TSPAN5: variants seen among roughly 807,000 people sequenced by gnomAD.
TSPAN5 encodes the protein tetraspanin 5.
TSPAN5 carries 10 observed loss-of-function variants against 37.1 expected under a neutral mutation model. That is an observed-to-expected ratio of 0.27 (90% CI 0.17 to 0.46). The LOEUF (loss-of-function observed/expected upper bound fraction) is 0.46. TSPAN5 is among the 20% of genes least tolerant of loss of function. The pLI is 1.00. For synonymous variants in TSPAN5, 110 were observed against 118.9 expected (o/e 0.93, Z 0.48); for missense variants, 195 against 326.6 (o/e 0.60, Z 3.11).
At chr4:98,658,058 G>T in intron 1 of TSPAN5, 88 bp downstream of exon 1, 1 of 1,242,078 alleles carries the variant, frequency 8.1e-7, no homozygotes, top group African/African-American at 1.5e-5. Flanking sequence ...GCGGGGCTGC[G>T]AAAAGTAAAG....
At chr4:98,637,274 T>G (rs1218155315) in intron 1 of TSPAN5, among the ~76,000 whole-genome samples, 1 of 152,170 alleles carries the variant, frequency 6.6e-6, no homozygotes, top group Non-Finnish European at 1.5e-5. Flanking sequence ...TCCAGGGAAT[T>G]GTGCAGTTCG....
At chr4:98,541,137 G>T (rs561205250) in intron 1 of TSPAN5, among the ~76,000 whole-genome samples, 111 of 152,186 alleles carry the variant, frequency 7.3e-4, no homozygotes, top group Non-Finnish European at 1.5e-3. Context: ...TGCTCAGCTG[G>T]CCTCATTCCC....
chr4:98,628,444 G>A lies in TSPAN5; in HGVS notation c.81+29702C>T, dbSNP rs79356031. Among the ~76,000 whole-genome samples, 1,048 of 152,068 alleles carry A rather than the reference G, an allele frequency of 6.9e-3. 5 individuals carry two copies. The highest frequency in any genetic ancestry group is 0.011 in the Non-Finnish European group (781 of 67,968). ...TCCCCTACTTTCCTCTGTAATGTGGGGTACACCACACTGCCTGGTATTGGT... is the reference window on the plus strand; with the variant it reads ...TCCCCTACTTTCCTCTGTAATGTGGAGTACACCACACTGCCTGGTATTGGT... On this transcript the variant is annotated intron_variant, in intron 1 of 7. Coordinates refer to ENST00000305798, the MANE Select transcript of TSPAN5 (RefSeq NM_005723.4).
chr4:98,472,794 C>T (rs956558887), intron 7 of TSPAN5, among the ~76,000 whole-genome samples: 1 of 152,182 alleles, frequency 6.6e-6, no homozygotes, highest in Non-Finnish European at 1.5e-5. Flanking sequence ...AATCACAGAA[C>T]ATTTCATTAC....
chr4:98,657,255 A>T (rs910234917), intron 1 of TSPAN5, among the ~76,000 whole-genome samples: 2 of 152,226 alleles, frequency 1.3e-5, no homozygotes, highest in Admixed American at 6.5e-5. Flanking sequence ...TAATTACAAT[A>T]GGTTCCCAAC....
intron 1 of TSPAN5, among the ~76,000 whole-genome samples, chr4:98,620,910 T>C (rs575887892): frequency 8.5e-5 from 13 of 152,200 alleles, no homozygotes; most frequent in Non-Finnish European, 1.8e-4. Context: ...TAAAAGTCAC[T>C]GTTATGGGTT....
chr4:98,609,858 A>G (rs1756139693), intron 1 of TSPAN5, among the ~76,000 whole-genome samples: 1 of 152,154 alleles, frequency 6.6e-6, no homozygotes, highest in African/African-American at 2.4e-5. Flanking sequence ...GAGTTGAAGG[A>G]TTCTGAGCAG....
intron 7 of TSPAN5, among the ~76,000 whole-genome samples, chr4:98,474,222 TGTGA>T (rs1260018181): frequency 6.6e-6 from 1 of 152,200 alleles, no homozygotes; most frequent in African/African-American, 2.4e-5. Context: ...TTACATATGG[TGTGA>T]GTTAGTCTAA....
At chr4:98,492,070 T>G (rs1437625909) in intron 2 of TSPAN5, among the ~76,000 whole-genome samples, 1 of 152,100 alleles carries the variant, frequency 6.6e-6, no homozygotes, top group Non-Finnish European at 1.5e-5. Flanking sequence ...CACCACCTCC[T>G]CCTTGTAAGG....
intron 1 of TSPAN5, among the ~76,000 whole-genome samples, chr4:98,625,171 T>C (rs775406110): frequency 3.9e-5 from 6 of 152,240 alleles, no homozygotes; most frequent in Non-Finnish European, 8.8e-5. Context: ...GTTCCATTAC[T>C]GGAACGCTAA....
At chr4:98,632,925 G>A (rs576391363) in intron 1 of TSPAN5, among the ~76,000 whole-genome samples, 1 of 152,304 alleles carries the variant, frequency 6.6e-6, no homozygotes, top group East Asian at 1.9e-4. Flanking sequence ...CTCATAGCAT[G>A]AGGTGTCGTG....
intron 1 of TSPAN5, among the ~76,000 whole-genome samples, chr4:98,525,266 G>A (rs750879565): frequency 1.4e-4 from 21 of 152,164 alleles, no homozygotes; most frequent in Non-Finnish European, 2.4e-4. Flanking sequence ...GTTCAATGTC[G>A]TTTCCTTCAG....
At chr4:98,658,040 A>C (rs761853919) in intron 1 of TSPAN5, 106 bp downstream of exon 1, 417 of 999,816 alleles carry the variant, frequency 4.2e-4, no homozygotes, top group Non-Finnish European at 5.9e-4. Flanking sequence ...CTGCTCCGGC[A>C]AGCGCCTGCG....
At chr4:98,572,736 T>G (rs1262540342) in intron 1 of TSPAN5, among the ~76,000 whole-genome samples, 2 of 152,248 alleles carry the variant, frequency 1.3e-5, no homozygotes, top group Non-Finnish European at 2.9e-5. Flanking sequence ...CCTTCTTGAC[T>G]TCCTTTTCTC....
At chr4:98,523,050 T>G (rs920524491) in intron 1 of TSPAN5, among the ~76,000 whole-genome samples, 17 of 152,214 alleles carry the variant, frequency 1.1e-4, no homozygotes, top group Admixed American at 1.1e-3. Context: ...AATCATTCTT[T>G]TATATGTTCT....
At chr4:98,495,256 G>A (rs1451108878) in intron 2 of TSPAN5, among the ~76,000 whole-genome samples, 7 of 152,194 alleles carry the variant, frequency 4.6e-5, no homozygotes, top group South Asian at 4.1e-4. Flanking sequence ...CCGGCCAGGC[G>A]CAGTGGCTCA....
intron 1 of TSPAN5, among the ~76,000 whole-genome samples, chr4:98,548,886 GGTGTGTGTGTGT>G (rs142527701): frequency 1.7e-5 from 1 of 57,342 alleles, no homozygotes; most frequent in Non-Finnish European, 4.9e-5. Context: ...AGTATTCCAA[GGTGTGTGTGTGT>G]GTGTGTGTGT....
At chr4:98,549,372 G>A (rs1014013981) in intron 1 of TSPAN5, among the ~76,000 whole-genome samples, 8 of 150,388 alleles carry the variant, frequency 5.3e-5, no homozygotes, top group South Asian at 2.1e-4. Flanking sequence ...GTGTGATTTC[G>A]GCTCACTGCA....
At chr4:98,617,320 G>C (rs1235463552) in intron 1 of TSPAN5, among the ~76,000 whole-genome samples, 1 of 152,122 alleles carries the variant, frequency 6.6e-6, no homozygotes, top group Non-Finnish European at 1.5e-5. Flanking sequence ...AAGAAAGCTA[G>C]GCACAGAGAG....
Sources: gnomAD v4.1 joint callset for allele counts (sites outside exome capture counted in the v4.1 genomes callset) on GRCh38, gnomAD v4.1.1 for gene constraint, MANE v1.5 for transcripts, NCBI Gene and HGNC (gene_info 2026-07-23, HGNC 2026-07-21) for gene names.